Variants in SYN1 observed in about 807,000 individuals in gnomAD.
The protein encoded by SYN1 is synapsin I, also known as synapsin-1.
Under a neutral mutation model 44.6 loss-of-function variants are expected in SYN1, and 8 were observed. The observed-to-expected ratio is 0.18, with a 90% CI of 0.11 to 0.32. The LOEUF (loss-of-function observed/expected upper bound fraction) is 0.32. Among genes scored for constraint, SYN1 ranks in the 10% least tolerant of loss-of-function variants. The probability of loss-of-function intolerance (pLI) is 1.00; values close to 1 mark genes in which losing one functional copy is unlikely to be tolerated. For synonymous variants in SYN1, 275 were observed against 280.1 expected (o/e 0.98, Z 0.18); for missense variants, 451 against 639.4 (o/e 0.71, Z 3.18).
At chrX:47,603,904 A>T (rs1213045639) in intron 5 of SYN1, among the ~76,000 whole-genome samples, 1 of 82,878 alleles carries the variant, frequency 1.2e-5, no homozygotes, top group Admixed American at 1.3e-4. Context: ...ATATATATAT[A>T]TATTTTTTTT....
intron 1 of SYN1, among the ~76,000 whole-genome samples, chrX:47,614,890 C>T (rs2057927019): frequency 8.9e-6 from 1 of 111,894 alleles, no homozygotes; most frequent in Admixed American, 9.5e-5. Flanking sequence ...CAGAGCTCCC[C>T]AGAGGATTGG....
Position 47,587,773 on chromosome X carries a change from C to A in SYN1, c.775-10272G>T, listed in dbSNP as rs114419799. Reference sequence around the variant, plus strand: ...GCGGGGTCCAGTCCCTGGCTCCTGCCCCTCATACTCCAAAGGTCTTGACTC... The same window carrying A: ...GCGGGGTCCAGTCCCTGGCTCCTGCACCTCATACTCCAAAGGTCTTGACTC... On this transcript the variant is annotated intron_variant, in intron 5 of 12. Transcript: ENST00000295987. 5.3e-3 allele frequency among the ~76,000 whole-genome samples: 586 copies of A among 111,330 alleles called. 2 individuals are homozygous for A. The highest frequency in any genetic ancestry group is 0.018 in the African/African-American group (543 of 30,576).
At chrX:47,605,531 T>C in intron 3 of SYN1, 152 bp from the exon 4 acceptor site, 1 of 700,364 alleles carries the variant, frequency 1.4e-6, no homozygotes, top group Non-Finnish European at 2.2e-6. Flanking sequence ...TCCCTCTGCC[T>C]AGTGCACCCT....
intron 5 of SYN1, 36 bp from the exon 6 acceptor site, chrX:47,577,537 C>T (rs2057781768): frequency 4.3e-6 from 5 of 1,172,189 alleles, no homozygotes; most frequent in Non-Finnish European, 5.8e-6. Flanking sequence ...ATGCTCAGGG[C>T]AGAAAGGGTG....
intron 1 of SYN1, among the ~76,000 whole-genome samples, chrX:47,612,442 T>C (rs1197119298): frequency 9.0e-6 from 1 of 111,098 alleles, no homozygotes; most frequent in African/African-American, 3.3e-5. Flanking sequence ...CTGATCCCCA[T>C]GTCTTCCACA....
chrX:47,574,831 A>G (rs2057772452), intron 10 of SYN1, 56 bp from the exon 11 acceptor site: 1 of 1,053,941 alleles, frequency 9.5e-7, no homozygotes, highest in African/African-American at 1.9e-5. Context: ...CCAGTGGAGC[A>G]TCAGCCAGTG....
At chrX:47,591,957 T>G (rs970080006) in intron 5 of SYN1, among the ~76,000 whole-genome samples, 6 of 112,124 alleles carry the variant, frequency 5.4e-5, no homozygotes, top group Non-Finnish European at 1.1e-4. Flanking sequence ...AAGTTCCATA[T>G]GTACATGGAT....
At chrX:47,604,035 G>T (rs2147927097) in intron 5 of SYN1, among the ~76,000 whole-genome samples, 1 of 107,460 alleles carries the variant, frequency 9.3e-6, no homozygotes, top group African/African-American at 3.4e-5. Context: ...AACTTCCCAG[G>T]TAGCTGGGAT....
chrX:47,597,503 T>C (rs974881666), intron 5 of SYN1, among the ~76,000 whole-genome samples: 1 of 108,646 alleles, frequency 9.2e-6, no homozygotes, highest in Non-Finnish European at 1.9e-5. Context: ...AGAAGAAAAG[T>C]AAACAAAATG....
intron 1 of SYN1, among the ~76,000 whole-genome samples, chrX:47,613,412 T>C (rs749472817): frequency 1.8e-5 from 2 of 111,416 alleles, no homozygotes; most frequent in South Asian, 7.5e-4. Flanking sequence ...GAGACTAACA[T>C]TGAATCCCTG....
chrX:47,606,673 G>C (rs773283227), intron 3 of SYN1, among the ~76,000 whole-genome samples: 58 of 108,719 alleles, frequency 5.3e-4, no homozygotes, highest in Middle Eastern at 4.8e-3. Flanking sequence ...CAGCTGCAGA[G>C]AGCCATGATT....
chrX:47,607,705 C>A (rs1243049180), intron 1 of SYN1, among the ~76,000 whole-genome samples: 3 of 97,789 alleles, frequency 3.1e-5, no homozygotes, highest in Non-Finnish European at 6.2e-5. Flanking sequence ...ATAGAGAGAC[C>A]CCCATCTCTA....
At chrX:47,576,092 G>C (rs746780310) in intron 9 of SYN1, 39 bp downstream of exon 9, 1 of 1,150,588 alleles carries the variant, frequency 8.7e-7, no homozygotes, top group Non-Finnish European at 1.2e-6. Flanking sequence ...CCTGGCATCT[G>C]TTCCTCCCTC....
intron 5 of SYN1, among the ~76,000 whole-genome samples, chrX:47,589,591 G>A (rs1375434081): frequency 4.7e-5 from 4 of 85,499 alleles, no homozygotes; most frequent in African/African-American, 1.8e-4. Flanking sequence ...GCCAGACTCC[G>A]TCTCAAAAAA....
At chrX:47,604,294 C>G (rs2057889460) in intron 5 of SYN1, among the ~76,000 whole-genome samples, 1 of 110,134 alleles carries the variant, frequency 9.1e-6, no homozygotes, top group African/African-American at 3.3e-5. Flanking sequence ...ACTCTGTTGC[C>G]CAAGCTGGAG....
chrX:47,578,059 T>G (rs1403671656), intron 5 of SYN1, among the ~76,000 whole-genome samples: 1 of 110,986 alleles, frequency 9.0e-6, no homozygotes, highest in African/African-American at 3.3e-5. Context: ...TCAAAGCACA[T>G]GAGCTCTGGA....
chrX:47,585,684 T>G (rs1484657049), intron 5 of SYN1: 2 of 1,208,894 alleles, frequency 1.7e-6, no homozygotes, highest in South Asian at 3.6e-5. Flanking sequence ...GCCTGGACCC[T>G]GACCTCCAAC....
intron 1 of SYN1, among the ~76,000 whole-genome samples, chrX:47,615,336 TC>T (rs2057928235): frequency 8.9e-6 from 1 of 111,950 alleles, no homozygotes; most frequent in Admixed American, 9.5e-5. Context: ...GTCTGATTTT[TC>T]TATGCTATTT....
intron 5 of SYN1, among the ~76,000 whole-genome samples, chrX:47,589,523 G>A (rs1422972368): frequency 9.5e-6 from 1 of 105,330 alleles, no homozygotes; most frequent in Non-Finnish European, 2.0e-5. Flanking sequence ...ATGAACCTGG[G>A]AGGCGGAGCT....
Sources: allele counts gnomAD v4.1 joint callset (sites outside exome capture counted in the v4.1 genomes callset), GRCh38; gene constraint gnomAD v4.1.1; transcripts MANE v1.5; gene names NCBI Gene and HGNC (gene_info 2026-07-23, HGNC 2026-07-21).